UBASH3A: variants seen among roughly 807,000 people sequenced by gnomAD.
UBASH3A encodes ubiquitin-associated and SH3 domain-containing protein A.
In UBASH3A, 63 loss-of-function variants were observed where a neutral mutation model predicts 73.5. The observed-to-expected ratio is 0.86, with a 90% CI of 0.70 to 1.06. The LOEUF (loss-of-function observed/expected upper bound fraction) is 1.06. Among genes scored for constraint, UBASH3A ranks in the 50% least tolerant of loss-of-function variants. The pLI is 0.00. For synonymous variants in UBASH3A, 363 were observed against 351.1 expected (o/e 1.03, Z -0.38); for missense variants, 860 against 859.0 (o/e 1.00, Z -0.02).
rs2053546021 is a variant in UBASH3A, at chr21:42,432,301, G to A, written c.1270+99G>A. 1.4e-5 allele frequency: 11 copies of A among 762,180 alleles called. No individual in the cohort carries two copies. In the South Asian group the frequency reaches 1.7e-4, roughly 11 times the overall value. The allele number at this position is 762,180 out of a possible 1,614,324, so 47.2% of individuals were successfully genotyped here. On this transcript the variant is annotated intron_variant, in intron 9 of 14. Coordinates refer to ENST00000319294, the MANE Select transcript of UBASH3A (RefSeq NM_018961.4). ...CTTACATGGCACCAGATCCCCTGAG[G>A]CACCATTCTGTAGAATGACCATGTG...
chr21:42,442,689 T>C (rs951831142), intron 12 of UBASH3A, 93 bp downstream of exon 12: 177 of 1,374,602 alleles, frequency 1.3e-4, no homozygotes, highest in Non-Finnish European at 1.5e-4. Context: ...AGAAAGACTT[T>C]ATTCAAGAGG....
At chr21:42,442,287 G>A (rs780066104) in intron 11 of UBASH3A, among the ~76,000 whole-genome samples, 165 bp from the exon 12 acceptor site, 1 of 152,222 alleles carries the variant, frequency 6.6e-6, no homozygotes, top group African/African-American at 2.4e-5. Flanking sequence ...AAATAGCACA[G>A]CTATGCCTAA....
intron 5 of UBASH3A, among the ~76,000 whole-genome samples, chr21:42,415,568 G>T (rs150727984): frequency 1.3e-5 from 2 of 152,206 alleles, no homozygotes; most frequent in African/African-American, 2.4e-5. Context: ...GCCGTGGAGT[G>T]GGGGCAGGGT....
At chr21:42,420,110 C>T (rs935341536) in intron 7 of UBASH3A, among the ~76,000 whole-genome samples, 3 of 152,150 alleles carry the variant, frequency 2.0e-5, no homozygotes, top group African/African-American at 4.8e-5. Context: ...CAGTCACTTT[C>T]ATACAATATA....
rs576209578 is a variant in UBASH3A at position 42,440,759 on chromosome 21, T to A, written c.1487-1693T>A. 6.6e-5 allele frequency among the ~76,000 whole-genome samples: 10 copies of A among 152,252 alleles called. 1 individual carries two copies. The South Asian group carries it at 1.9e-3, about 28-fold the overall frequency. The stretch of plus-strand genomic sequence containing the variant: ...GCAAGTTTCCCTTCTAGTGAAAACC[T>A]TCGTCTTTCTTTCCCTACCCAACCT... On this transcript the variant is annotated intron_variant, in intron 11 of 14. Coordinates refer to ENST00000319294, the MANE Select transcript of UBASH3A (RefSeq NM_018961.4).
intron 7 of UBASH3A, among the ~76,000 whole-genome samples, chr21:42,422,637 A>G (rs2053358457): frequency 6.6e-6 from 1 of 152,260 alleles, no homozygotes; most frequent in Non-Finnish European, 1.5e-5. Flanking sequence ...TTAAATTATG[A>G]CACATCCATA....
At chr21:42,406,701 C>T (rs764860602) in intron 2 of UBASH3A, among the ~76,000 whole-genome samples, 2 of 151,912 alleles carry the variant, frequency 1.3e-5, no homozygotes, top group Non-Finnish European at 2.9e-5. Context: ...GTGATAAGCA[C>T]GTAAATGAGG....
intron 7 of UBASH3A, among the ~76,000 whole-genome samples, chr21:42,425,048 C>A (rs759310384): frequency 2.6e-5 from 4 of 152,170 alleles, no homozygotes; most frequent in Non-Finnish European, 5.9e-5. Context: ...TCGTTGAAGC[C>A]GCTCAGCTGT....
Position 42,442,505 on chromosome 21 carries a change from T to C in UBASH3A, c.1540T>C (p.Trp514Arg). ...ACGAGTGGAACCTGGAATCTTTGAATGGACAAAATGGGAAGCTGGCAAAAC... is the reference window on the plus strand; with the variant it reads ...ACGAGTGGAACCTGGAATCTTTGAACGGACAAAATGGGAAGCTGGCAAAAC... ...KIRVEPGIFE[W>R]TKWEAGKTTP... Residue 514 changes from tryptophan (W) to arginine (R), a missense_variant, in exon 12 of 15, where the codon TGG becomes CGG. Physicochemically the swap from Trp to Arg is moderately radical, Grantham distance 101. Coordinates refer to ENST00000319294, the MANE Select transcript of UBASH3A (RefSeq NM_018961.4). The C allele has an allele frequency of 6.2e-7, 1 of 1,614,058 alleles. No homozygotes were observed. The highest frequency in any genetic ancestry group is 8.5e-7 in the Non-Finnish European group (1 of 1,179,990).
At chr21:42,424,794 G>C (rs1485809133) in intron 7 of UBASH3A, among the ~76,000 whole-genome samples, 1 of 152,220 alleles carries the variant, frequency 6.6e-6, no homozygotes, top group Non-Finnish European at 1.5e-5. Context: ...CTTATTTGGA[G>C]ACAGGGTCTT....
intron 12 of UBASH3A, 122 bp from the exon 13 acceptor site, chr21:42,443,190 G>T: frequency 7.1e-7 from 1 of 1,415,902 alleles, no homozygotes. Context: ...TGTTGACCAT[G>T]AGCCTGCCTT....
At chr21:42,437,373 G>A in intron 10 of UBASH3A, 115 bp from the exon 11 acceptor site, 1 of 845,818 alleles carries the variant, frequency 1.2e-6, no homozygotes. Flanking sequence ...ACACCAGGGG[G>A]TGGAAACCCG....
chr21:42,425,764 C>A (rs1027813097), intron 7 of UBASH3A, among the ~76,000 whole-genome samples: 5 of 150,438 alleles, frequency 3.3e-5, no homozygotes, highest in Non-Finnish European at 5.9e-5. Flanking sequence ...GGAGTGGGAG[C>A]TACTGCTGGT....
rs3746926 is a variant in UBASH3A, at chr21:42,416,727, A to G, written c.837+116A>G. The G allele has an allele frequency of 1.2e-3, 1,193 of 993,924 alleles. 31 individuals carry two copies. In the East Asian group the frequency reaches 0.038, roughly 31 times the overall value. 61.6% of individuals were successfully genotyped at this position (993,924 alleles called of 1,614,324 possible). A position where few individuals can be genotyped will look rare whatever the true frequency, so the allele number is the denominator to read the frequency against. ...AGGCGGCGGATCATGAGGTCAGGAG[A>G]TGGAGACCATCCTGGCTAACATGGT... On this transcript the variant is annotated intron_variant, in intron 6 of 14. Transcript: ENST00000319294.
At position 42,405,059 on chromosome 21, in the gene UBASH3A, G is replaced by A. The variant is rs559465209; in HGVS notation, c.113+1001G>A. On this transcript the variant is annotated intron_variant, in intron 1 of 14. Transcript: ENST00000319294. ...CAGAAACACACTTTAGGTAACTTTG[G>A]GTTGGGGAAGGAGCTAAACTTTCCT... 2.0e-5 allele frequency among the ~76,000 whole-genome samples: 3 copies of A among 152,180 alleles called. No homozygotes were observed. In the South Asian group the frequency reaches 6.2e-4, roughly 32 times the overall value.
In UBASH3A at chr21:42,418,440, G is replaced by T; in HGVS notation, c.877G>T (p.Asp293Tyr). The T allele has an allele frequency of 6.2e-7, 1 of 1,614,216 alleles. No individual in the cohort carries two copies. Among genetic ancestry groups the T allele is most frequent in the Non-Finnish European group, 8.5e-7 (1 of 1,180,034 alleles). Reference sequence around the variant, plus strand: ...ATTCCAGTACAAACCCCAGAACGTGGATGAGCTGACGCTAAGTCCTGGTGA... The same window carrying T: ...ATTCCAGTACAAACCCCAGAACGTGTATGAGCTGACGCTAAGTCCTGGTGA... ...ALFQYKPQNV[D>Y]ELTLSPGDYI... Residue 293 changes from aspartate to tyrosine, a missense_variant, in exon 7 of 15, where the codon GAT becomes TAT. Coordinates refer to ENST00000319294, the MANE Select transcript of UBASH3A (RefSeq NM_018961.4).
At chr21:42,434,134 G>T (rs150803880) in intron 9 of UBASH3A, among the ~76,000 whole-genome samples, 1 of 152,084 alleles carries the variant, frequency 6.6e-6, no homozygotes, top group Admixed American at 6.5e-5. Context: ...TCAGACTCTG[G>T]GCTATGGGTG....
intron 8 of UBASH3A, among the ~76,000 whole-genome samples, chr21:42,430,006 T>A (rs1333344153): frequency 6.6e-6 from 1 of 151,742 alleles, no homozygotes; most frequent in Non-Finnish European, 1.5e-5. Flanking sequence ...AGCTGGAAAT[T>A]CTGCATCGTC....
At chr21:42,444,445 C>A in intron 13 of UBASH3A, 89 bp from the exon 14 acceptor site, 2 of 976,368 alleles carry the variant, frequency 2.0e-6, no homozygotes, top group Non-Finnish European at 3.3e-6. Flanking sequence ...TCTGAGATAG[C>A]TCTGCCCCCC....
Sources: allele counts gnomAD v4.1 joint callset (sites outside exome capture counted in the v4.1 genomes callset), GRCh38; gene constraint gnomAD v4.1.1; transcripts MANE v1.5; gene names NCBI Gene and HGNC (gene_info 2026-07-23, HGNC 2026-07-21).